PRKCH: variants seen among roughly 807,000 people sequenced by gnomAD.
The protein encoded by PRKCH is protein kinase C eta, also known as protein kinase C eta type.
PRKCH carries 28 observed loss-of-function variants against 82.5 expected under a neutral mutation model. The observed-to-expected ratio is 0.34, with a 90% CI of 0.25 to 0.47. PRKCH has a LOEUF of 0.47. Ranked by LOEUF, PRKCH falls within the 20% of genes least tolerant of loss-of-function variation. The pLI, the probability that PRKCH is intolerant of heterozygous loss-of-function variation, is 1.00. For synonymous variants in PRKCH, 322 were observed against 327.4 expected, an observed-to-expected ratio of 0.98 and a Z score of 0.18; for missense variants, 705 against 881.8, an observed-to-expected ratio of 0.80 and a Z score of 2.54.
Position 61,194,206 on chromosome 14 carries a change from G to A in PRKCH, c.-19+6538G>A, listed in dbSNP as rs536758123. ...AAATATGCATCCTTGATGTATTAGA[G>A]TCTACTATAAATTAGTACCATTAAT... On this transcript the variant is annotated intron_variant, in intron 1 of 3. Coordinates refer to the PRKCH transcript ENST00000555185. Among the ~76,000 whole-genome samples the A allele has an allele frequency of 1.1e-4, 16 of 152,190 alleles. No individual in the cohort carries two copies. The South Asian group carries it at 3.1e-3, about 30-fold the overall frequency.
chr14:61,448,840 C>T (rs190632084), intron 4 of PRKCH, among the ~76,000 whole-genome samples: 1 of 151,992 alleles, frequency 6.6e-6, no homozygotes, highest in African/African-American at 2.4e-5. Context: ...CTTTGTTGAT[C>T]GGCAGTGAAT....
chr14:61,275,586 C>G (rs1320514263), intron 1 of PRKCH, among the ~76,000 whole-genome samples: 1 of 152,130 alleles, frequency 6.6e-6, no homozygotes, highest in Non-Finnish European at 1.5e-5. Context: ...AAAAGACAAG[C>G]CAAGGGGTTC....
intron 9 of PRKCH, among the ~76,000 whole-genome samples, chr14:61,471,824 G>A (rs8022183): frequency 6.6e-6 from 1 of 152,078 alleles, no homozygotes; most frequent in South Asian, 2.1e-4. Context: ...CCAGACATTG[G>A]TTCCCAGGGG....
At chr14:61,434,311 T>G (rs1883569967) in intron 2 of PRKCH, among the ~76,000 whole-genome samples, 1 of 152,206 alleles carries the variant, frequency 6.6e-6, no homozygotes, top group African/African-American at 2.4e-5. Context: ...GGGTTGCACC[T>G]CCACATGATG....
chr14:61,534,387 C>T (rs2043081165), intron 12 of PRKCH, among the ~76,000 whole-genome samples: 1 of 152,208 alleles, frequency 6.6e-6, no homozygotes. Context: ...TTTGGCTGCA[C>T]AGGGCCAGAT....
chr14:61,392,392 A>G (rs2046697505), intron 2 of PRKCH, among the ~76,000 whole-genome samples: 1 of 152,146 alleles, frequency 6.6e-6, no homozygotes, highest in Non-Finnish European at 1.5e-5. Flanking sequence ...GAGAGTTCCA[A>G]TTACTTCATA....
chr14:61,448,693 A>G lies in PRKCH; in HGVS notation c.614-471A>G, dbSNP rs552845512. On this transcript the variant is annotated intron_variant, in intron 4 of 13. Transcript: ENST00000332981. The stretch of plus-strand genomic sequence containing the variant: ...GGATATCCCAGGGAGAGAAAAGGGC[A>G]TCGATAGTTTGTTGGAAGGGTCCAG... Among the ~76,000 whole-genome samples the G allele has an allele frequency of 7.2e-5, 11 of 152,314 alleles. No individual in the cohort carries two copies. In the South Asian group the frequency reaches 2.3e-3, roughly 32 times the overall value.
intron 9 of PRKCH, among the ~76,000 whole-genome samples, chr14:61,463,869 A>G (rs1212175847): frequency 6.6e-6 from 1 of 152,234 alleles, no homozygotes; most frequent in Admixed American, 6.5e-5. Context: ...AATGTCCTCC[A>G]GGTTGATCCA....
chr14:61,317,540 C>T (rs1373544015), upstream of PRKCH, among the ~76,000 whole-genome samples: 2 of 152,182 alleles, frequency 1.3e-5, no homozygotes, highest in Non-Finnish European at 2.9e-5. Context: ...TCCCAAAGTG[C>T]TGGGACTACA....
chr14:61,321,446 C>T (rs1296144640), upstream of PRKCH, among the ~76,000 whole-genome samples: 1 of 152,228 alleles, frequency 6.6e-6, no homozygotes, highest in Non-Finnish European at 1.5e-5. This position sits in a 1 kb window ranked among gnomAD's most constrained non-coding sequence, Gnocchi z 4.1. Flanking sequence ...ACAAGGAGGG[C>T]GCGCAGGGCG....
chr14:61,223,274 A>C (rs17098135), intron 1 of PRKCH, among the ~76,000 whole-genome samples: 3,266 of 152,290 alleles, frequency 0.021, 54 homozygotes, highest in East Asian at 0.083. Context: ...TTCCACCTTC[A>C]GACTCCAGAC....
chr14:61,451,130 G>T (rs2140286838), intron 6 of PRKCH, among the ~76,000 whole-genome samples, 159 bp downstream of exon 6: 1 of 152,240 alleles, frequency 6.6e-6, no homozygotes, highest in East Asian at 1.9e-4. Context: ...TTCTTGTCAG[G>T]CATGTAAAGA....
At chr14:61,447,868 A>G (rs1295816604) in intron 4 of PRKCH, among the ~76,000 whole-genome samples, 1 of 152,218 alleles carries the variant, frequency 6.6e-6, no homozygotes, top group Non-Finnish European at 1.5e-5. Context: ...AAGATTCGAA[A>G]TTTCCACCTT....
At chr14:61,335,102 G>T (rs528754387) in intron 1 of PRKCH, among the ~76,000 whole-genome samples, 5 of 152,100 alleles carry the variant, frequency 3.3e-5, no homozygotes, top group Non-Finnish European at 7.4e-5. Flanking sequence ...CTGAGGAAAT[G>T]AATATTTTTG....
At chr14:61,342,699 C>T (rs2140139736) in intron 1 of PRKCH, among the ~76,000 whole-genome samples, 1 of 152,306 alleles carries the variant, frequency 6.6e-6, no homozygotes, top group South Asian at 2.1e-4. Flanking sequence ...TGTTTCAGCC[C>T]TCACTGAAAA....
At chr14:61,342,041 A>C (rs1007394035) in intron 1 of PRKCH, among the ~76,000 whole-genome samples, 2 of 152,040 alleles carry the variant, frequency 1.3e-5, no homozygotes, top group Non-Finnish European at 2.9e-5. Context: ...TAGTTGTGAC[A>C]GTTGAGACTT....
intron 1 of PRKCH, among the ~76,000 whole-genome samples, chr14:61,252,842 G>T (rs2044958297): frequency 1.3e-5 from 2 of 152,078 alleles, no homozygotes; most frequent in Admixed American, 1.3e-4. Flanking sequence ...TTTCTCCTTA[G>T]TCTCTCAGGC....
chr14:61,253,485 T>A (rs1405272819), intron 1 of PRKCH, among the ~76,000 whole-genome samples: 1 of 152,134 alleles, frequency 6.6e-6, no homozygotes, highest in Non-Finnish European at 1.5e-5. Flanking sequence ...CTTGGCTGCA[T>A]ATTTTCAGAA....
At chr14:61,524,572 C>A (rs1226434258) in intron 10 of PRKCH, among the ~76,000 whole-genome samples, 3 of 152,214 alleles carry the variant, frequency 2.0e-5, no homozygotes, top group Non-Finnish European at 4.4e-5. Flanking sequence ...AAGCCAAAAA[C>A]TGACCTCTGC....
Sources: allele counts gnomAD v4.1 joint callset (sites outside exome capture counted in the v4.1 genomes callset), GRCh38; gene constraint gnomAD v4.1.1; non-coding constraint Gnocchi (gnomAD v3.1); transcripts MANE v1.5; gene names NCBI Gene and HGNC (gene_info 2026-07-23, HGNC 2026-07-21).